TGS1: variants seen among roughly 807,000 people sequenced by gnomAD.
TGS1 encodes the protein trimethylguanosine synthase 1, also known as trimethylguanosine synthase.
A neutral mutation model predicts 92.2 loss-of-function variants in TGS1; 69 were observed. The observed-to-expected ratio is 0.75, with a 90% CI of 0.62 to 0.91. The LOEUF is 0.91. Among genes scored for constraint, TGS1 ranks in the 40% least tolerant of loss-of-function variants. TGS1 has a pLI of 0.00. For synonymous variants in TGS1, 345 were observed against 338.1 expected, an observed-to-expected ratio of 1.02 and a Z score of -0.22; for missense variants, 1,062 against 1,001.2, an observed-to-expected ratio of 1.06 and a Z score of -0.82.
At chr8:55,777,970 C>T (rs1224369382) in intron 1 of TGS1, among the ~76,000 whole-genome samples, 2 of 151,536 alleles carry the variant, frequency 1.3e-5, no homozygotes, top group Non-Finnish European at 2.9e-5. Flanking sequence ...CTCACTTATT[C>T]AAGTAGAAAA....
chr8:55,801,238 TTAAG>T (rs1385725455), intron 8 of TGS1, among the ~76,000 whole-genome samples: 1 of 152,230 alleles, frequency 6.6e-6, no homozygotes, highest in Non-Finnish European at 1.5e-5. Flanking sequence ...CTGCTGTGAA[TTAAG>T]TTAGTAAAAC....
At chr8:55,793,654 G>A (rs1023950091) in intron 6 of TGS1, among the ~76,000 whole-genome samples, 15 of 151,932 alleles carry the variant, frequency 9.9e-5, no homozygotes, top group African/African-American at 2.7e-4. Context: ...TGCGACATCC[G>A]CCTCCTGGGT....
At chr8:55,810,433 T>G (rs923467669) in intron 10 of TGS1, among the ~76,000 whole-genome samples, 5 of 152,382 alleles carry the variant, frequency 3.3e-5, no homozygotes, top group Non-Finnish European at 7.3e-5. Context: ...ATTTTGGTTT[T>G]CCTTAGAAGT....
chr8:55,799,499 G>T (rs150446324), intron 8 of TGS1, among the ~76,000 whole-genome samples: 4 of 152,276 alleles, frequency 2.6e-5, no homozygotes, highest in African/African-American at 9.6e-5. Flanking sequence ...GTTCAACTTG[G>T]CCTCTGCTGG....
intron 12 of TGS1, among the ~76,000 whole-genome samples, chr8:55,814,447 C>T (rs540016992): frequency 1.1e-4 from 16 of 152,026 alleles, no homozygotes; most frequent in African/African-American, 3.9e-4. Context: ...GAAATTAGAT[C>T]TTGCTGCCTT....
Position 55,824,742 on chromosome 8 carries a change from C to A in TGS1, c.*39C>A. 1 of 1,608,384 alleles carries A rather than the reference C, an allele frequency of 6.2e-7. No homozygotes were observed. Among genetic ancestry groups the A allele is most frequent in the South Asian group, 1.1e-5 (1 of 90,114 alleles). The stretch of plus-strand genomic sequence containing the variant: ...CGAGGACAAAAGATCATGGAGTGGT[C>A]AAAATATTCAGATGAGACATTTGGC... On this transcript the variant is annotated 3_prime_UTR_variant, in exon 13 of 13. Coordinates refer to ENST00000260129, the MANE Select transcript of TGS1 (RefSeq NM_024831.8).
At chr8:55,777,815 G>A (rs967111946) in intron 1 of TGS1, among the ~76,000 whole-genome samples, 3 of 152,118 alleles carry the variant, frequency 2.0e-5, no homozygotes, top group African/African-American at 7.2e-5. Flanking sequence ...GATTACATGC[G>A]TGTGGCTACC....
intron 4 of TGS1, among the ~76,000 whole-genome samples, chr8:55,788,663 C>T (rs754048622): frequency 7.2e-5 from 11 of 152,024 alleles, no homozygotes; most frequent in South Asian, 2.1e-4. Context: ...GGGGTTTCAC[C>T]GTGTTGGCCA....
At chr8:55,786,090 G>C in intron 3 of TGS1, 148 bp from the exon 4 acceptor site, 2 of 691,728 alleles carry the variant, frequency 2.9e-6, no homozygotes, top group East Asian at 5.6e-5. Context: ...TGGAAACTTA[G>C]ATAGTATATC....
Position 55,773,549 on chromosome 8 carries a change from A to G in TGS1, c.-70A>G. 8.0e-7 allele frequency: 1 copy of G among 1,243,158 alleles called. No homozygotes were observed. 77.0% of individuals were successfully genotyped at this position (1,243,158 alleles called of 1,614,324 possible). A position where few individuals can be genotyped will look rare whatever the true frequency, so the allele number is the denominator to read the frequency against. On this transcript the variant is annotated 5_prime_UTR_variant, in exon 1 of 13. Coordinates refer to ENST00000260129, the MANE Select transcript of TGS1 (RefSeq NM_024831.8). ...CGGGCGAGGCCTGTTTTAAGTCTCC[A>G]GTAACCGAGCGGAGGCCCGGCAGGC...
rs1030849986 is a variant in TGS1, at chr8:55,811,041, G to A, written c.2304G>A (p.Gly768=). 4 of 1,614,046 alleles carry A rather than the reference G, an allele frequency of 2.5e-6. No homozygotes were observed. The African/African-American group carries it at 4.0e-5, about 16-fold the overall frequency. The part of the protein sequence containing the change: ...DVVFLSPPWG[G]PDYATAETFD... ...TGTTCCTCAGCCCACCTTGGGGAGG[G>A]CCAGACTATGCCACTGCAGAGACCT... The change falls in exon 11 of 13, where the codon GGG becomes GGA. Residue 768 remains glycine, a synonymous_variant. Coordinates refer to ENST00000260129, the MANE Select transcript of TGS1 (RefSeq NM_024831.8).
intron 1 of TGS1, among the ~76,000 whole-genome samples, chr8:55,782,407 T>C (rs1373258092): frequency 6.6e-6 from 1 of 152,192 alleles, no homozygotes; most frequent in East Asian, 1.9e-4. Flanking sequence ...CTCAAACTCC[T>C]GACCTCAGGT....
At chr8:55,803,356 C>G (rs529585205) in intron 9 of TGS1, among the ~76,000 whole-genome samples, 52 of 152,304 alleles carry the variant, frequency 3.4e-4, no homozygotes, top group Non-Finnish European at 6.5e-4. Flanking sequence ...TTAACTCAGT[C>G]TTGCAGACTG....
At chr8:55,815,742 C>T (rs1803456014) in intron 12 of TGS1, among the ~76,000 whole-genome samples, 1 of 151,896 alleles carries the variant, frequency 6.6e-6, no homozygotes, top group Admixed American at 6.6e-5. Context: ...AAATGTTTTC[C>T]TAGGTCCCTT....
chr8:55,789,591 A>C (rs1811818066), intron 4 of TGS1, among the ~76,000 whole-genome samples: 1 of 152,196 alleles, frequency 6.6e-6, no homozygotes, highest in African/African-American at 2.4e-5. Flanking sequence ...CTGTTAAAAA[A>C]CTTTATACAA....
intron 5 of TGS1, among the ~76,000 whole-genome samples, chr8:55,790,693 AT>A (rs1156526968): frequency 6.6e-6 from 1 of 151,296 alleles, no homozygotes. Flanking sequence ...ATTTTTTAAA[AT>A]TTTTTATAGA....
At chr8:55,783,193 C>G (rs1811618504) in intron 2 of TGS1, among the ~76,000 whole-genome samples, 1 of 152,136 alleles carries the variant, frequency 6.6e-6, no homozygotes, top group East Asian at 1.9e-4. Context: ...CCAAGGCAAG[C>G]AGATCACTTG....
chr8:55,813,544 G>A (rs759016044), intron 12 of TGS1, among the ~76,000 whole-genome samples: 6 of 152,186 alleles, frequency 3.9e-5, no homozygotes, highest in South Asian at 2.1e-4. Flanking sequence ...CTTTGTGCCA[G>A]ATACTCTTGA....
chr8:55,818,611 C>CT (rs1323126657), intron 12 of TGS1, among the ~76,000 whole-genome samples: 11 of 152,194 alleles, frequency 7.2e-5, no homozygotes, highest in Non-Finnish European at 1.5e-4. Context: ...GTTCTTAAAC[C>CT]ATATATATTG....
Sources: allele counts gnomAD v4.1 joint callset (sites outside exome capture counted in the v4.1 genomes callset), GRCh38; gene constraint gnomAD v4.1.1; transcripts MANE v1.5; gene names NCBI Gene and HGNC (gene_info 2026-07-23, HGNC 2026-07-21).